The following SLC2A2 variants were observed in gnomAD, a reference collection of about 807,000 sequenced individuals.
The protein encoded by SLC2A2 is solute carrier family 2, facilitated glucose transporter member 2.
Under a neutral mutation model 54.5 loss-of-function variants are expected in SLC2A2, and 36 were observed. The observed-to-expected ratio is 0.66, with a 90% CI of 0.51 to 0.87. The LOEUF (loss-of-function observed/expected upper bound fraction) is 0.87, where lower values mean the gene tolerates loss of function less well. Ranked by LOEUF, SLC2A2 falls within the 40% of genes least tolerant of loss-of-function variation. The probability of loss-of-function intolerance (pLI) is 0.00; values close to 1 mark genes in which losing one functional copy is unlikely to be tolerated. For missense variants in SLC2A2, 543 were observed against 624.3 expected (o/e 0.87, Z 1.39); for synonymous variants, 223 against 219.1 (o/e 1.02, Z -0.16).
chr3:170,997,157 T>TAA lies in SLC2A2; in HGVS notation c.*745_*746insTT, dbSNP rs1202264537. ...AATCAACATGGTTTTATAATAGATG[T>TAA]TAATGTTAACTGATAACCCACGCTA... On this transcript the variant is annotated 3_prime_UTR_variant, in exon 11 of 11. Transcript: ENST00000314251. The TAA allele has an allele frequency of 6.6e-6, 1 of 152,348 alleles. No homozygotes were observed. Among genetic ancestry groups the TAA allele is most frequent in the African/African-American group, 2.4e-5 (1 of 41,436 alleles). The allele number at this position is 152,348 out of a possible 1,614,324, so 9.4% of individuals were successfully genotyped here.
At chr3:170,999,437 A>G (rs530876220) in intron 8 of SLC2A2, among the ~76,000 whole-genome samples, 61 of 152,246 alleles carry the variant, frequency 4.0e-4, no homozygotes, top group African/African-American at 1.3e-3. Context: ...AGATAGAACC[A>G]TAATGTTACC....
chr3:171,003,965 A>G (rs928411493), intron 7 of SLC2A2, among the ~76,000 whole-genome samples: 36 of 151,972 alleles, frequency 2.4e-4, no homozygotes, highest in African/African-American at 8.5e-4. Context: ...TTTGTTCACA[A>G]CCTTTCTAAT....
At position 170,998,092 on chromosome 3, in the gene SLC2A2, TC is replaced by T. The variant is rs765132996; in HGVS notation, c.1385del (p.Gly462AspfsTer52). ...LCFQYIADFC[G>X]PYVFFLFAGV... ...CAGCAAAGAGGAAAAACACATAAGGTCCACAGAAGTCCTGGATAGAAAGCAA... is the reference window on the plus strand; with the variant it reads ...CAGCAAAGAGGAAAAACACATAAGGTCACAGAAGTCCTGGATAGAAAGCAA... On this transcript the variant is annotated frameshift_variant, in exon 11 of 11. Transcript: ENST00000314251. LOFTEE classifies it high-confidence loss of function. 1 of 1,613,520 alleles carries T rather than the reference TC, an allele frequency of 6.2e-7. No homozygotes were observed. Among genetic ancestry groups the T allele is most frequent in the Non-Finnish European group, 8.5e-7 (1 of 1,179,746 alleles).
chr3:171,019,128 T>TAC (rs1560042171), intron 1 of SLC2A2, among the ~76,000 whole-genome samples: 7 of 6,382 alleles, frequency 1.1e-3, no homozygotes, highest in Admixed American at 1.6e-3. Flanking sequence ...TATATACGTA[T>TAC]GTATATATAT....
At chr3:171,008,858 T>A (rs1715741101) in intron 4 of SLC2A2, among the ~76,000 whole-genome samples, 1 of 152,096 alleles carries the variant, frequency 6.6e-6, no homozygotes, top group Non-Finnish European at 1.5e-5. Flanking sequence ...AAAGCTACAC[T>A]GATCTTCAGT....
chr3:171,018,342 C>T (rs1479438850), intron 2 of SLC2A2, among the ~76,000 whole-genome samples, 189 bp downstream of exon 2: 7 of 149,438 alleles, frequency 4.7e-5, no homozygotes, highest in Non-Finnish European at 7.4e-5. Flanking sequence ...CCTTTTTTTT[C>T]CCCCGTGATT....
chr3:171,013,873 T>C (rs1245725810), intron 3 of SLC2A2, among the ~76,000 whole-genome samples: 1 of 152,204 alleles, frequency 6.6e-6, no homozygotes, highest in Non-Finnish European at 1.5e-5. Context: ...ATGTTTTTAA[T>C]CCAAAAAACC....
At chr3:171,013,795 T>G (rs1308946256) in intron 3 of SLC2A2, among the ~76,000 whole-genome samples, 1 of 152,144 alleles carries the variant, frequency 6.6e-6, no homozygotes, top group Non-Finnish European at 1.5e-5. Context: ...TTATATAGGG[T>G]GGGAAATCCT....
At chr3:171,024,437 C>T (rs1023907965) in intron 1 of SLC2A2, among the ~76,000 whole-genome samples, 3 of 152,092 alleles carry the variant, frequency 2.0e-5, no homozygotes, top group Non-Finnish European at 4.4e-5. Context: ...GTGTGGGAAC[C>T]GAGAGCTGAT....
At chr3:171,025,386 C>A (rs2108268091) in intron 1 of SLC2A2, among the ~76,000 whole-genome samples, 1 of 150,824 alleles carries the variant, frequency 6.6e-6, no homozygotes, top group African/African-American at 2.4e-5. Context: ...AATTATATAA[C>A]TATTAACATT....
intron 8 of SLC2A2, among the ~76,000 whole-genome samples, chr3:170,999,582 T>C (rs1715252900): frequency 6.6e-6 from 1 of 152,098 alleles, no homozygotes. Context: ...TTCTAATAGT[T>C]ATCCTAAGTT....
intron 2 of SLC2A2, among the ~76,000 whole-genome samples, chr3:171,018,236 T>C (rs993760372): frequency 6.6e-6 from 1 of 152,218 alleles, no homozygotes; most frequent in Admixed American, 6.5e-5. Context: ...TTTCTTTTTT[T>C]TTTCTAAAGT....
intron 8 of SLC2A2, among the ~76,000 whole-genome samples, chr3:170,999,564 A>G (rs1715252413): frequency 6.6e-6 from 1 of 152,110 alleles, no homozygotes; most frequent in Non-Finnish European, 1.5e-5. Flanking sequence ...ACATGACATT[A>G]ACTTATTTTC....
intron 1 of SLC2A2, among the ~76,000 whole-genome samples, chr3:171,022,838 G>A (rs906485605): frequency 2.6e-5 from 4 of 152,140 alleles, no homozygotes; most frequent in Admixed American, 6.5e-5. Flanking sequence ...CTCCCCTGTC[G>A]TCTCCATTAG....
At chr3:171,009,912 GGTGTGTGTGTGT>G (rs71176588) in intron 4 of SLC2A2, 34 bp downstream of exon 4, 171 of 1,325,566 alleles carry the variant, frequency 1.3e-4, no homozygotes, top group South Asian at 7.4e-4. Context: ...GACAAAGGTA[GGTGTGTGTGTGT>G]GTGTGTGTGT....
chr3:171,025,818 A>G (rs1483478972), intron 1 of SLC2A2, among the ~76,000 whole-genome samples: 1 of 152,228 alleles, frequency 6.6e-6, no homozygotes, highest in Non-Finnish European at 1.5e-5. Flanking sequence ...CGTATAAGGG[A>G]GCAAGGACAC....
chr3:171,006,150 A>C, intron 5 of SLC2A2, 45 bp from the exon 6 acceptor site: 1 of 1,564,312 alleles, frequency 6.4e-7, no homozygotes, highest in Non-Finnish European at 8.8e-7. Flanking sequence ...AATACTTTGG[A>C]TCTACCTTTT....
At chr3:171,005,844 T>G in intron 6 of SLC2A2, 99 bp downstream of exon 6, 2 of 1,236,926 alleles carry the variant, frequency 1.6e-6, no homozygotes, top group Non-Finnish European at 2.4e-6. Flanking sequence ...TGCACATTCT[T>G]CTTACATTTA....
chr3:171,025,066 A>G (rs1008582640), intron 1 of SLC2A2, among the ~76,000 whole-genome samples: 5 of 152,156 alleles, frequency 3.3e-5, no homozygotes, highest in African/African-American at 4.8e-5. Context: ...TACTACCTTC[A>G]TGAATTTTGC....
Sources: gnomAD v4.1 joint callset for allele counts (sites outside exome capture counted in the v4.1 genomes callset) on GRCh38, gnomAD v4.1.1 for gene constraint, MANE v1.5 for transcripts, NCBI Gene and HGNC (gene_info 2026-07-23, HGNC 2026-07-21) for gene names.